Variants in TAFA2 observed in about 807,000 individuals in gnomAD.
The protein encoded by TAFA2 is chemokine-like protein TAFA-2.
A neutral mutation model predicts 18.8 loss-of-function variants in TAFA2; 7 were observed. The ratio of observed to expected loss-of-function variants is 0.37; its 90% CI spans 0.21 to 0.70. The LOEUF (loss-of-function observed/expected upper bound fraction) is 0.70, where lower values mean the gene tolerates loss of function less well. TAFA2 is among the 30% of genes least tolerant of loss of function. TAFA2 has a pLI of 0.53. For missense variants in TAFA2, 122 were observed against 158.1 expected (o/e 0.77, Z 1.23); for synonymous variants, 60 against 54.2 (o/e 1.11, Z -0.47).
At chr12:62,097,027 A>G (rs1373048049) in intron 1 of TAFA2, among the ~76,000 whole-genome samples, 1 of 152,058 alleles carries the variant, frequency 6.6e-6, no homozygotes. Flanking sequence ...TGCTATTTCT[A>G]ATCTCTGTAG....
In TAFA2 at chr12:61,724,801, G is replaced by GTGTATACACCAGATGGGTGTATATGTA. The variant is rs1565751089; in HGVS notation, c.385-14385_385-14384insTACATATACACCCATCTGGTGTATACA. 4.8e-3 allele frequency among the ~76,000 whole-genome samples: 533 copies of GTGTATACACCAGATGGGTGTATATGTA among 110,294 alleles called. 6 individuals are homozygous for GTGTATACACCAGATGGGTGTATATGTA. Among genetic ancestry groups the GTGTATACACCAGATGGGTGTATATGTA allele is most frequent in the African/African-American group, 0.018 (475 of 26,890 alleles). The allele number at this position is 110,294 out of a possible 152,430, so 72.4% of individuals were successfully genotyped here. A position where few individuals can be genotyped will look rare whatever the true frequency, so the allele number is the denominator to read the frequency against. ...TGTGTGTGTGTGTGTGTGTGTGTGT[G>GTGTATACACCAGATGGGTGTATATGTA]TATACACCAGATGGGTGTATATGTA... On this transcript the variant is annotated intron_variant, in intron 4 of 4. Transcript: ENST00000416284.
chr12:62,146,488 C>T (rs991368914), intron 1 of TAFA2, among the ~76,000 whole-genome samples: 14 of 151,870 alleles, frequency 9.2e-5, no homozygotes, highest in African/African-American at 3.4e-4. Flanking sequence ...CATCATGTTG[C>T]CTAGGCTGCC....
At position 61,800,215 on chromosome 12, in the gene TAFA2, C is replaced by G. The variant is rs546015237; in HGVS notation, c.107-45191G>C. On this transcript the variant is annotated intron_variant, in intron 2 of 4. Coordinates refer to ENST00000416284, the MANE Select transcript of TAFA2 (RefSeq NM_178539.5). The stretch of plus-strand genomic sequence containing the variant: ...TATGTGCCAGATATAATGTTAATCA[C>G]TTTTATGTACAATACCACTTTTAAT... 8.5e-5 allele frequency among the ~76,000 whole-genome samples: 13 copies of G among 152,250 alleles called. No homozygotes were observed. The South Asian group carries it at 2.7e-3, about 32-fold the overall frequency.
At chr12:62,199,492 G>A (rs2062662409) in intron 1 of TAFA2, among the ~76,000 whole-genome samples, 1 of 152,044 alleles carries the variant, frequency 6.6e-6, no homozygotes, top group African/African-American at 2.4e-5. Context: ...AGTTTGCTGA[G>A]GATAATGGCT....
At chr12:61,984,704 T>C (rs1879756740) in intron 1 of TAFA2, among the ~76,000 whole-genome samples, 2 of 152,222 alleles carry the variant, frequency 1.3e-5, no homozygotes, top group African/African-American at 2.4e-5. Flanking sequence ...TCAATGTGCA[T>C]AAATTTCCAC....
intron 1 of TAFA2, among the ~76,000 whole-genome samples, chr12:62,073,754 T>C (rs767620480): frequency 1.3e-4 from 20 of 152,198 alleles, no homozygotes; most frequent in Non-Finnish European, 2.2e-4. Context: ...TTAGAATAGT[T>C]TTAGTTATCT....
intron 1 of TAFA2, among the ~76,000 whole-genome samples, chr12:62,073,379 TAAGAA>T (rs1334430036): frequency 4.0e-5 from 6 of 151,824 alleles, no homozygotes; most frequent in African/African-American, 1.5e-4. Context: ...ATATTATAGA[TAAGAA>T]AACACCTTTG....
intron 4 of TAFA2, among the ~76,000 whole-genome samples, chr12:61,740,077 G>T (rs1438973506): frequency 6.6e-6 from 1 of 152,040 alleles, no homozygotes; most frequent in Non-Finnish European, 1.5e-5. Context: ...TACACTGCCT[G>T]ATATTACCCA....
chr12:61,778,644 T>C (rs1190677483), intron 2 of TAFA2, among the ~76,000 whole-genome samples: 2 of 151,874 alleles, frequency 1.3e-5, no homozygotes, highest in African/African-American at 4.8e-5. Flanking sequence ...TGACATAGCT[T>C]GAAAACTGTA....
At chr12:62,172,655 G>C (rs1157338595) in intron 1 of TAFA2, among the ~76,000 whole-genome samples, 1 of 152,092 alleles carries the variant, frequency 6.6e-6, no homozygotes, top group African/African-American at 2.4e-5. Flanking sequence ...TCAAGGTAGG[G>C]GCTGACTTCT....
intron 1 of TAFA2, among the ~76,000 whole-genome samples, chr12:62,123,113 T>G (rs1183773846): frequency 1.3e-5 from 2 of 152,194 alleles, no homozygotes; most frequent in Non-Finnish European, 2.9e-5. Flanking sequence ...CATAACATTT[T>G]GTATTTTACC....
chr12:62,208,782 A>C (rs888581119), intron 1 of TAFA2, among the ~76,000 whole-genome samples: 5 of 152,106 alleles, frequency 3.3e-5, no homozygotes, highest in African/African-American at 1.2e-4. Flanking sequence ...GTCTTTAAAA[A>C]CTTTATCTCA....
chr12:61,854,333 G>C (rs138151225), intron 2 of TAFA2, among the ~76,000 whole-genome samples: 2 of 152,218 alleles, frequency 1.3e-5, no homozygotes, highest in East Asian at 3.9e-4. Flanking sequence ...GAAAGATACA[G>C]ATGAAGGCAG....
intron 1 of TAFA2, among the ~76,000 whole-genome samples, chr12:61,892,974 C>G (rs1423159278): frequency 2.0e-5 from 3 of 152,070 alleles, no homozygotes; most frequent in African/African-American, 7.2e-5. Flanking sequence ...ATATTTTTAT[C>G]TCCCAACAAT....
chr12:61,741,073 T>C, intron 4 of TAFA2, among the ~76,000 whole-genome samples: 1 of 152,110 alleles, frequency 6.6e-6, no homozygotes, highest in South Asian at 2.1e-4. Context: ...CTAAAACTAA[T>C]ATACATTACT....
At chr12:62,006,026 T>C (rs1430043455) in intron 1 of TAFA2, among the ~76,000 whole-genome samples, 1 of 152,194 alleles carries the variant, frequency 6.6e-6, no homozygotes, top group Non-Finnish European at 1.5e-5. Context: ...TATAATACTA[T>C]GAAGACTCAT....
intron 2 of TAFA2, among the ~76,000 whole-genome samples, chr12:61,790,688 T>TA (rs942925502): frequency 6.6e-6 from 1 of 151,746 alleles, no homozygotes; most frequent in African/African-American, 2.4e-5. Context: ...CTGAAAACTA[T>TA]AAAATGCAGA....
chr12:61,908,551 G>A (rs149307016), intron 1 of TAFA2, among the ~76,000 whole-genome samples: 12 of 152,032 alleles, frequency 7.9e-5, no homozygotes, highest in East Asian at 3.9e-4. Flanking sequence ...GCATGAGAAC[G>A]GACTAATACA....
At chr12:61,929,822 G>T (rs1156865119) in intron 1 of TAFA2, among the ~76,000 whole-genome samples, 4 of 152,030 alleles carry the variant, frequency 2.6e-5, no homozygotes, top group African/African-American at 9.7e-5. Context: ...ATACTATGCA[G>T]CCATAAAAAA....
Sources: allele counts gnomAD v4.1 joint callset (sites outside exome capture counted in the v4.1 genomes callset), GRCh38; gene constraint gnomAD v4.1.1; transcripts MANE v1.5; gene names NCBI Gene and HGNC (gene_info 2026-07-23, HGNC 2026-07-21).